Variants in TOX2 observed in about 807,000 individuals in gnomAD.
The protein encoded by TOX2 is granulosa cell HMG box 1.
Under a neutral mutation model 47.4 loss-of-function variants are expected in TOX2, and 15 were observed. That is an observed-to-expected ratio of 0.32 (90% CI 0.21 to 0.49). The LOEUF is 0.49. Among genes scored for constraint, TOX2 ranks in the 20% least tolerant of loss-of-function variants. The pLI is 0.99. For missense variants in TOX2, 622 were observed against 673.1 expected (o/e 0.92, Z 0.84); for synonymous variants, 290 against 296.6 (o/e 0.98, Z 0.23).
chr20:44,060,880 C>T (rs565632575), intron 5 of TOX2, among the ~76,000 whole-genome samples: 6 of 151,868 alleles, frequency 4.0e-5, no homozygotes, highest in East Asian at 3.9e-4. Context: ...CAAACTCAAA[C>T]GCAGCAGAAG....
At chr20:43,920,321 A>C (rs1007412019) in intron 1 of TOX2, among the ~76,000 whole-genome samples, 1 of 152,128 alleles carries the variant, frequency 6.6e-6, no homozygotes, top group African/African-American at 2.4e-5. Context: ...TTTTTGACAA[A>C]AATTCATGAA....
At chr20:44,053,495 TAC>T (rs1569139051) in intron 4 of TOX2, among the ~76,000 whole-genome samples, 1 of 147,766 alleles carries the variant, frequency 6.8e-6, no homozygotes, top group African/African-American at 2.5e-5. Flanking sequence ...CACATATATA[TAC>T]AGACATATAT....
intron 3 of TOX2, among the ~76,000 whole-genome samples, chr20:44,044,655 C>T (rs1167269255): frequency 2.0e-5 from 3 of 152,060 alleles, no homozygotes; most frequent in Non-Finnish European, 2.9e-5. Context: ...AAACCGCAAC[C>T]GGAACCCTTG....
intron 2 of TOX2, among the ~76,000 whole-genome samples, chr20:44,003,442 G>T (rs2070622021): frequency 6.6e-6 from 1 of 152,120 alleles, no homozygotes; most frequent in Admixed American, 6.5e-5. Flanking sequence ...TCCCGTCTTG[G>T]CCTCCCAAAG....
chr20:43,944,028 TTG>T (rs369496171), intron 1 of TOX2, among the ~76,000 whole-genome samples: 8 of 151,856 alleles, frequency 5.3e-5, no homozygotes, highest in South Asian at 2.1e-4. Context: ...GCTTACAGCT[TTG>T]TGTGTGTGTG....
chr20:43,994,394 G>A (rs1003964561), intron 2 of TOX2, among the ~76,000 whole-genome samples: 1 of 149,316 alleles, frequency 6.7e-6, no homozygotes, highest in Non-Finnish European at 1.5e-5. Context: ...AGGAGTCAGA[G>A]GCTGCAGTGA....
intron 3 of TOX2, among the ~76,000 whole-genome samples, chr20:44,036,739 T>C (rs2071247735): frequency 6.6e-6 from 1 of 152,186 alleles, no homozygotes; most frequent in African/African-American, 2.4e-5. Context: ...CAGAATTGAG[T>C]TGAGTAGTGA....
chr20:43,932,586 C>T (rs557021504), intron 1 of TOX2, among the ~76,000 whole-genome samples: 2 of 152,346 alleles, frequency 1.3e-5, no homozygotes, highest in East Asian at 3.9e-4. Context: ...CCTGTCCAAA[C>T]ACACGTCTGG....
intron 3 of TOX2, among the ~76,000 whole-genome samples, chr20:44,032,760 C>T (rs756968885): frequency 2.0e-5 from 3 of 152,236 alleles, no homozygotes; most frequent in Non-Finnish European, 4.4e-5. Context: ...CCCAGCTGAG[C>T]AATCCCAGAC....
intron 5 of TOX2, among the ~76,000 whole-genome samples, chr20:44,056,666 C>G (rs2071623865): frequency 2.6e-5 from 4 of 152,146 alleles, no homozygotes; most frequent in Admixed American, 2.6e-4. Context: ...ATGGGCATTT[C>G]TCTCCTTTTA....
intron 1 of TOX2, among the ~76,000 whole-genome samples, chr20:43,949,007 T>G (rs2069515256): frequency 6.6e-6 from 1 of 152,122 alleles, no homozygotes; most frequent in African/African-American, 2.4e-5. Context: ...CCCCTAGTCA[T>G]GGGGGGATTG....
At chr20:43,924,027 T>C (rs1409389530) in intron 1 of TOX2, among the ~76,000 whole-genome samples, 10 of 152,180 alleles carry the variant, frequency 6.6e-5, no homozygotes, top group African/African-American at 2.4e-4. Context: ...GGCCTAAAAA[T>C]GAACAGCAGG....
chr20:43,928,867 G>T (rs1438920275), intron 1 of TOX2, among the ~76,000 whole-genome samples: 2 of 151,740 alleles, frequency 1.3e-5, no homozygotes, highest in African/African-American at 4.9e-5. Context: ...GGGCGTGGTG[G>T]CTCACGCCTG....
chr20:43,951,705 A>ACGTTT (rs2069569296), intron 1 of TOX2, among the ~76,000 whole-genome samples: 1 of 30,388 alleles, frequency 3.3e-5, no homozygotes, highest in Admixed American at 3.8e-4. Context: ...TAAACTTATT[A>ACGTTT]TGTTTTTTTT....
chr20:44,038,230 T>C (rs972593666), intron 3 of TOX2, among the ~76,000 whole-genome samples: 1 of 151,948 alleles, frequency 6.6e-6, no homozygotes, highest in Admixed American at 6.6e-5. Flanking sequence ...ACCCTGTATC[T>C]ACAAAAAATA....
At position 43,916,028 on chromosome 20, in the gene TOX2, G is replaced by T; in HGVS notation, c.99+1038G>T. 1 of 798,958 alleles carries T rather than the reference G, an allele frequency of 1.3e-6. No homozygotes were observed. Among genetic ancestry groups the T allele is most frequent in the Non-Finnish European group, 1.5e-6 (1 of 659,722 alleles). The allele number at this position is 798,958 out of a possible 1,614,324, so 49.5% of individuals were successfully genotyped here. On this transcript the variant is annotated intron_variant, in intron 1 of 8. Transcript: ENST00000341197. The surrounding 1 kb of genome is among the most constrained non-coding windows in gnomAD (Gnocchi z 5.0). ...CAGTCCGCGTCCCCTTCGGTCGCCGGAGAGGGAACTTTCAAACTTAGTTAG... is the reference window on the plus strand; with the variant it reads ...CAGTCCGCGTCCCCTTCGGTCGCCGTAGAGGGAACTTTCAAACTTAGTTAG...
chr20:44,053,728 A>G (rs924373822), intron 4 of TOX2, among the ~76,000 whole-genome samples: 1 of 152,084 alleles, frequency 6.6e-6, no homozygotes, highest in Non-Finnish European at 1.5e-5. Context: ...AGCCTTGGCT[A>G]ACAGGCTCAC....
chr20:43,923,979 G>A (rs1389912504), intron 1 of TOX2, among the ~76,000 whole-genome samples: 2 of 152,188 alleles, frequency 1.3e-5, no homozygotes, highest in Non-Finnish European at 2.9e-5. Context: ...CCAAGCCTTT[G>A]ATTTCTGCAT....
At chr20:44,053,439 T>TACACACACACACACACACACAC (rs111951284) in intron 4 of TOX2, among the ~76,000 whole-genome samples, 1 of 143,108 alleles carries the variant, frequency 7.0e-6, no homozygotes, top group African/African-American at 2.6e-5. Flanking sequence ...GGCAGATATA[T>TACACACACACACACACACACAC]ACACACACAC....
Sources: allele counts gnomAD v4.1 joint callset (sites outside exome capture counted in the v4.1 genomes callset), GRCh38; gene constraint gnomAD v4.1.1; non-coding constraint Gnocchi (gnomAD v3.1); transcripts MANE v1.5; gene names NCBI Gene and HGNC (gene_info 2026-07-23, HGNC 2026-07-21).